Variants in PDGFC observed in about 807,000 individuals in gnomAD.
PDGFC encodes the protein platelet-derived growth factor C.
A neutral mutation model predicts 35.5 loss-of-function variants in PDGFC; 12 were observed. That is an observed-to-expected ratio of 0.34 (90% confidence interval 0.22 to 0.55). The LOEUF (loss-of-function observed/expected upper bound fraction) is 0.55, where lower values mean the gene tolerates loss of function less well. PDGFC is among the 20% of genes least tolerant of loss of function. The pLI is 0.91. For synonymous variants in PDGFC, 159 were observed against 148.8 expected, an observed-to-expected ratio of 1.07 and a Z score of -0.50; for missense variants, 322 against 412.4, an observed-to-expected ratio of 0.78 and a Z score of 1.90.
At chr4:156,915,895 C>T (rs907033710) in intron 1 of PDGFC, among the ~76,000 whole-genome samples, 1 of 152,112 alleles carries the variant, frequency 6.6e-6, no homozygotes, top group African/African-American at 2.4e-5. Context: ...AACGGCTTTT[C>T]CTGCCCCCAT....
intron 1 of PDGFC, among the ~76,000 whole-genome samples, chr4:156,946,627 A>C (rs961321791): frequency 6.6e-6 from 1 of 152,144 alleles, no homozygotes; most frequent in East Asian, 1.9e-4. Context: ...TCTATTTATC[A>C]TCAAGACCAC....
intron 2 of PDGFC, among the ~76,000 whole-genome samples, chr4:156,822,710 A>C (rs1732302956): frequency 6.6e-6 from 1 of 152,124 alleles, no homozygotes; most frequent in Admixed American, 6.6e-5. Flanking sequence ...AGGGTAATAG[A>C]CCTGGAGCAG....
At chr4:156,829,385 T>C (rs1183242550) in intron 2 of PDGFC, among the ~76,000 whole-genome samples, 1 of 152,208 alleles carries the variant, frequency 6.6e-6, no homozygotes, top group Non-Finnish European at 1.5e-5. Context: ...GGCTATTACT[T>C]CATATTTTGT....
intron 1 of PDGFC, among the ~76,000 whole-genome samples, chr4:156,903,689 T>C (rs1358035800): frequency 6.6e-6 from 1 of 152,096 alleles, no homozygotes; most frequent in Non-Finnish European, 1.5e-5. Context: ...GCCAGTGAAA[T>C]AATCAGAAAC....
intron 1 of PDGFC, among the ~76,000 whole-genome samples, chr4:156,860,443 T>C (rs1729683122): frequency 6.6e-6 from 1 of 152,260 alleles, no homozygotes; most frequent in Non-Finnish European, 1.5e-5. Flanking sequence ...TGAAATCTAA[T>C]TCTGTAGTTG....
rs1732576837 is a variant in PDGFC, at chr4:156,970,874, T to C, written c.30A>G (p.Thr10=). 1.2e-6 allele frequency: 2 copies of C among 1,613,710 alleles called. No individual in the cohort carries two copies. Among genetic ancestry groups the C allele is most frequent in the South Asian group, 1.1e-5 (1 of 91,066 alleles). Residue 10 remains threonine (T), a synonymous_variant, in exon 1 of 6, where the codon ACA becomes ACG. Transcript: ENST00000502773. ...CCTGTCTCTGGCCGGCCAGGGCAGA[T>C]GTCAGCAGGAGAAGCCCGAAGAGGC... is the stretch of plus-strand genomic sequence containing the variant. The part of the protein sequence containing the change: MSLFGLLLL[T]SALAGQRQGT...
chr4:156,936,124 C>T (rs1731674405), intron 1 of PDGFC, among the ~76,000 whole-genome samples: 1 of 152,196 alleles, frequency 6.6e-6, no homozygotes, highest in Admixed American at 6.5e-5. Context: ...AAACACCTTG[C>T]TACTTGCTAG....
intron 3 of PDGFC, among the ~76,000 whole-genome samples, chr4:156,796,491 ATTTTTT>A (rs35891804): frequency 9.8e-6 from 1 of 101,628 alleles, no homozygotes; most frequent in East Asian, 3.1e-4. Flanking sequence ...ACCACTTTGT[ATTTTTT>A]TTTTTTTTTT....
intron 1 of PDGFC, among the ~76,000 whole-genome samples, chr4:156,900,075 C>G (rs1008023613): frequency 6.6e-6 from 1 of 152,136 alleles, no homozygotes; most frequent in Admixed American, 6.5e-5. Context: ...AAACTTGAAT[C>G]AAAGATATGT....
At chr4:156,960,359 G>A (rs917043435) in intron 1 of PDGFC, among the ~76,000 whole-genome samples, 11 of 149,552 alleles carry the variant, frequency 7.4e-5, no homozygotes, top group Middle Eastern at 3.3e-3. Context: ...CATTATTTCT[G>A]GAGCTCTACA....
At chr4:156,936,973 A>C (rs1039337494) in intron 1 of PDGFC, among the ~76,000 whole-genome samples, 3 of 152,224 alleles carry the variant, frequency 2.0e-5, no homozygotes, top group South Asian at 4.1e-4. Flanking sequence ...GGAATTCATG[A>C]CCAGAACCAA....
At chr4:156,956,965 C>T (rs757629917) in intron 1 of PDGFC, among the ~76,000 whole-genome samples, 3 of 151,974 alleles carry the variant, frequency 2.0e-5, no homozygotes, top group Non-Finnish European at 4.4e-5. Context: ...GGCAATAAGA[C>T]AGATTTTCAA....
intron 2 of PDGFC, among the ~76,000 whole-genome samples, chr4:156,829,115 T>C (rs1436917911): frequency 6.6e-6 from 1 of 152,190 alleles, no homozygotes; most frequent in Non-Finnish European, 1.5e-5. Flanking sequence ...GTAATCTTAT[T>C]CCTATCACAT....
At chr4:156,822,810 G>A (rs962831696) in intron 2 of PDGFC, among the ~76,000 whole-genome samples, 1 of 152,014 alleles carries the variant, frequency 6.6e-6, no homozygotes, top group African/African-American at 2.4e-5. Flanking sequence ...TACCCAGGCT[G>A]GAGTGCCATG....
chr4:156,842,396 T>TA (rs930686503), intron 2 of PDGFC, among the ~76,000 whole-genome samples: 59 of 152,032 alleles, frequency 3.9e-4, no homozygotes, highest in African/African-American at 7.2e-4. Context: ...AGCCAAGCTC[T>TA]AAGTCTGAGA....
At chr4:156,939,236 C>T (rs1731751899) in intron 1 of PDGFC, among the ~76,000 whole-genome samples, 1 of 151,914 alleles carries the variant, frequency 6.6e-6, no homozygotes, top group Non-Finnish European at 1.5e-5. Context: ...ACTAGATCAC[C>T]GCTTTAAAGT....
chr4:156,857,621 A>C (rs1481657802), intron 1 of PDGFC, among the ~76,000 whole-genome samples: 2 of 152,232 alleles, frequency 1.3e-5, no homozygotes, highest in East Asian at 3.9e-4. Flanking sequence ...AGGAATGTTA[A>C]TATAGCGAGC....
intron 2 of PDGFC, among the ~76,000 whole-genome samples, chr4:156,811,733 A>G (rs1228206959): frequency 1.3e-5 from 2 of 152,130 alleles, no homozygotes; most frequent in African/African-American, 2.4e-5. Context: ...TTTTAAACAC[A>G]TGTCAACTTT....
intron 1 of PDGFC, among the ~76,000 whole-genome samples, chr4:156,872,800 A>T (rs1730017540): frequency 1.3e-5 from 2 of 152,196 alleles, no homozygotes; most frequent in South Asian, 4.1e-4. Context: ...TTAAAAATTT[A>T]TTTGTATCCA....
Sources: allele counts gnomAD v4.1 joint callset (sites outside exome capture counted in the v4.1 genomes callset), GRCh38; gene constraint gnomAD v4.1.1; transcripts MANE v1.5; gene names NCBI Gene and HGNC (gene_info 2026-07-23, HGNC 2026-07-21).